CLASRP: variants seen among roughly 807,000 people sequenced by gnomAD.
The protein encoded by CLASRP is CLK4-associating serine/arginine rich protein.
CLASRP carries 52 observed loss-of-function variants against 99.9 expected under a neutral mutation model. The ratio of observed to expected loss-of-function variants is 0.52; its 90% CI spans 0.42 to 0.66. The LOEUF is 0.66. Among genes scored for constraint, CLASRP ranks in the 30% least tolerant of loss-of-function variants. CLASRP has a pLI of 0.00. For synonymous variants in CLASRP, 379 were observed against 373.0 expected (o/e 1.02, Z -0.18); for missense variants, 848 against 999.2 (o/e 0.85, Z 2.04).
intron 15 of CLASRP, 109 bp from the exon 16 acceptor site, chr19:45,068,311 T>TCCCCC (rs1310198710): frequency 2.5e-4 from 136 of 544,596 alleles, no homozygotes; most frequent in African/African-American, 1.3e-3. Flanking sequence ...CACGTCGTTC[T>TCCCCC]CCCCCCCCCA....
chr19:45,070,524 G>A lies in CLASRP; in HGVS notation c.1958-13G>A. ...GATGTTTGCTCGCTCTTCACCTGTT[G>A]TTTTCTTTCCAGGTCGAGAATACAG... On this transcript the variant is annotated splice_polypyrimidine_tract_variant and intron_variant, in intron 19 of 20. Coordinates refer to ENST00000221455, the MANE Select transcript of CLASRP (RefSeq NM_007056.3). The A allele has an allele frequency of 1.2e-6, 2 of 1,613,842 alleles. No individual in the cohort carries two copies. Among genetic ancestry groups the A allele is most frequent in the Non-Finnish European group, 1.7e-6 (2 of 1,179,734 alleles).
rs545909406 is a variant in CLASRP, at chr19:45,068,869, T to C, written c.1769-197T>C. On this transcript the variant is annotated intron_variant, in intron 16 of 20. Coordinates refer to ENST00000221455, the MANE Select transcript of CLASRP (RefSeq NM_007056.3). The stretch of plus-strand genomic sequence containing the variant: ...AGCCAGGCATGTTGGTGGGCGCCTG[T>C]AGTCCCAGCTACTCAGGAGGCTGAG... Among the ~76,000 whole-genome samples, 11 of 151,968 alleles carry C rather than the reference T, an allele frequency of 7.2e-5. No individual in the cohort carries two copies. The South Asian group carries it at 2.3e-3, about 32-fold the overall frequency.
chr19:45,053,289 T>G, intron 5 of CLASRP, 112 bp downstream of exon 5: 3 of 1,016,588 alleles, frequency 3.0e-6, no homozygotes, highest in Non-Finnish European at 4.5e-6. Flanking sequence ...TAAAGGGCCT[T>G]GGGTTCCGGC....
At position 45,064,760 on chromosome 19, in the gene CLASRP, C is replaced by T. The variant is rs1967044197; in HGVS notation, c.1409+130C>T. 7 of 1,417,016 alleles carry T rather than the reference C, an allele frequency of 4.9e-6. 2 individuals are homozygous for T. The highest frequency in any genetic ancestry group is 5.2e-4 in the Middle Eastern group (2 of 3,858). The allele number at this position is 1,417,016 out of a possible 1,614,324, so 87.8% of individuals were successfully genotyped here. A position where few individuals can be genotyped will look rare whatever the true frequency, so the allele number is the denominator to read the frequency against. ...AACACCCCATCTAAGGGGACAGGCA[C>T]AGGCCACTGCTCTTCCGCAGGAAGC... is the stretch of plus-strand genomic sequence containing the variant. On this transcript the variant is annotated intron_variant, in intron 13 of 20. Coordinates refer to ENST00000221455, the MANE Select transcript of CLASRP (RefSeq NM_007056.3).
chr19:45,055,573 G>A (rs751430684), intron 5 of CLASRP, among the ~76,000 whole-genome samples: 8 of 152,244 alleles, frequency 5.3e-5, no homozygotes, highest in Non-Finnish European at 1.2e-4. Flanking sequence ...GGTGGCTCAT[G>A]CATATAATCT....
At chr19:45,063,862 G>GGTCTCCACT in intron 11 of CLASRP, 150 bp from the exon 12 acceptor site, 2 of 1,008,022 alleles carry the variant, frequency 2.0e-6, no homozygotes, top group Non-Finnish European at 2.8e-6. Flanking sequence ...TCCAGAGCTG[G>GGTCTCCACT]GTCTCCACTG....
chr19:45,068,914 CG>C, intron 16 of CLASRP, 151 bp from the exon 17 acceptor site: 7 of 719,030 alleles, frequency 9.7e-6, no homozygotes, highest in African/African-American at 3.6e-5. Flanking sequence ...GGCGCGAACC[CG>C]GGGGGCGGAG....
Position 45,064,373 on chromosome 19 carries a change from T to C in CLASRP, c.1152T>C (p.Ser384=). The C allele has an allele frequency of 1.3e-6, 2 of 1,532,194 alleles. No individual in the cohort carries two copies. The highest frequency in any genetic ancestry group is 1.7e-6 in the Non-Finnish European group (2 of 1,143,322). The allele number at this position is 1,532,194 out of a possible 1,614,324, so 94.9% of individuals were successfully genotyped here. ...RRRSSSSSSS[S]SASRTSSSRS... ...GCTCCTCCTCCTCCTCCTCCTCCTC[T>C]TCTGCCTCGAGGACCTCCAGCTCCC... Residue 384 remains serine, a synonymous_variant, in exon 13 of 21, where the codon TCT becomes TCC. Coordinates refer to ENST00000221455, the MANE Select transcript of CLASRP (RefSeq NM_007056.3).
chr19:45,042,111 G>A (rs1229655774), intron 2 of CLASRP, among the ~76,000 whole-genome samples: 1 of 152,214 alleles, frequency 6.6e-6, no homozygotes, highest in Non-Finnish European at 1.5e-5. Flanking sequence ...GGGGGCCAAG[G>A]CAGGTGGATC....
chr19:45,062,468 C>T (rs1005789296), intron 11 of CLASRP, among the ~76,000 whole-genome samples: 1 of 152,238 alleles, frequency 6.6e-6, no homozygotes, highest in African/African-American at 2.4e-5. Context: ...AGCTCCGCCT[C>T]CCAGGTTCAC....
chr19:45,059,455 G>C, intron 8 of CLASRP, 91 bp downstream of exon 8: 1 of 1,083,218 alleles, frequency 9.2e-7, no homozygotes, highest in Non-Finnish European at 1.4e-6. Context: ...CATCCTGTTT[G>C]TGAGCATTTG....
intron 2 of CLASRP, among the ~76,000 whole-genome samples, chr19:45,046,449 G>A (rs976103316): frequency 7.9e-5 from 12 of 152,136 alleles, no homozygotes; most frequent in African/African-American, 2.4e-4. Flanking sequence ...CTCAGGCGTC[G>A]CCTCCTCCAG....
rs1966956795 is a variant in CLASRP, at chr19:45,062,235, G to T, written c.905+40G>T. The T allele has an allele frequency of 7.0e-6, 8 of 1,143,068 alleles. No individual in the cohort carries two copies. In the East Asian group the frequency reaches 1.9e-4, roughly 27 times the overall value. 70.8% of individuals were successfully genotyped at this position (1,143,068 alleles called of 1,614,324 possible). ...AGGACCAGGGAATAGCAGACAGGGA[G>T]CCTCCTGATGGGGACAGGGGTGCTG... On this transcript the variant is annotated intron_variant, in intron 11 of 20. Transcript: ENST00000221455.
chr19:45,046,438 G>C (rs1191298379), intron 2 of CLASRP, among the ~76,000 whole-genome samples: 3 of 152,220 alleles, frequency 2.0e-5, no homozygotes, highest in Non-Finnish European at 2.9e-5. Flanking sequence ...ACAGGTCGCA[G>C]CTCAGGCGTC....
At chr19:45,059,883 C>T (rs1010597164) in intron 8 of CLASRP, among the ~76,000 whole-genome samples, 5 of 152,176 alleles carry the variant, frequency 3.3e-5, no homozygotes, top group Non-Finnish European at 5.9e-5. Context: ...AGGTCTTACC[C>T]ATCTGGTCCT....
At chr19:45,064,275 G>T (rs1410984819) in intron 12 of CLASRP, 48 bp downstream of exon 12, 1 of 1,527,616 alleles carries the variant, frequency 6.5e-7, no homozygotes, top group Non-Finnish European at 8.8e-7. Flanking sequence ...CACCATGGGG[G>T]GTACCCGGGG....
Position 45,067,661 on chromosome 19 carries a change from T to C in CLASRP, c.1667+67T>C. The stretch of plus-strand genomic sequence containing the variant: ...GGTGGGGAGGGTGAACATCACTGTT[T>C]TCTTTTTGAGGGGAACTTAGCCCTA... On this transcript the variant is annotated intron_variant, in intron 14 of 20. Coordinates refer to ENST00000221455, the MANE Select transcript of CLASRP (RefSeq NM_007056.3). This position sits in a 1 kb window ranked among gnomAD's most constrained non-coding sequence, Gnocchi z 4.9. The C allele has an allele frequency of 7.0e-7, 1 of 1,430,848 alleles. No individual in the cohort carries two copies. The highest frequency in any genetic ancestry group is 1.3e-5 in the South Asian group (1 of 76,530). 88.6% of individuals were successfully genotyped at this position (1,430,848 alleles called of 1,614,324 possible). A position where few individuals can be genotyped will look rare whatever the true frequency, so the allele number is the denominator to read the frequency against.
chr19:45,066,784 G>C (rs1007094977), intron 13 of CLASRP, among the ~76,000 whole-genome samples: 24 of 152,128 alleles, frequency 1.6e-4, no homozygotes, highest in African/African-American at 5.6e-4. Context: ...GCCAGCCTGA[G>C]AGTGGGCAGT....
At position 45,070,869 on chromosome 19, in the gene CLASRP, G is replaced by C. The variant is rs1063174; in HGVS notation, c.*24G>C. 1.4e-5 allele frequency: 14 copies of C among 1,011,092 alleles called. No homozygotes were observed. The highest frequency in any genetic ancestry group is 1.9e-5 in the Non-Finnish European group (13 of 668,544). 62.6% of individuals were successfully genotyped at this position (1,011,092 alleles called of 1,614,324 possible). On this transcript the variant is annotated 3_prime_UTR_variant, in exon 21 of 21. Transcript: ENST00000221455. The stretch of plus-strand genomic sequence containing the variant: ...AGGCAGAAGAGTGGGGGGTGGGGAG[G>C]ACAAGGGGGTGGGTAAGGGGCTCAA...
Sources: gnomAD v4.1 joint callset for allele counts (sites outside exome capture counted in the v4.1 genomes callset) on GRCh38, gnomAD v4.1.1 for gene constraint, Gnocchi (gnomAD v3.1) non-coding constraint, MANE v1.5 for transcripts, NCBI Gene and HGNC (gene_info 2026-07-23, HGNC 2026-07-21) for gene names.